Variants in PRKCA observed in about 807,000 individuals in gnomAD.
PRKCA encodes the protein protein kinase C alpha.
A neutral mutation model predicts 87.0 loss-of-function variants in PRKCA; 27 were observed. The ratio of observed to expected loss-of-function variants is 0.31; its 90% CI spans 0.23 to 0.43. The LOEUF (loss-of-function observed/expected upper bound fraction) is 0.43, where lower values mean the gene tolerates loss of function less well. Ranked by LOEUF, PRKCA falls within the 20% of genes least tolerant of loss-of-function variation. PRKCA has a pLI of 1.00. For synonymous variants in PRKCA, 329 were observed against 311.1 expected (o/e 1.06, Z -0.61); for missense variants, 518 against 852.3 (o/e 0.61, Z 4.88).
intron 13 of PRKCA, among the ~76,000 whole-genome samples, chr17:66,754,463 C>T (rs137987258): frequency 4.7e-4 from 72 of 152,278 alleles, no homozygotes; most frequent in Non-Finnish European, 8.2e-4. Flanking sequence ...CTCACTTGAG[C>T]TTGCTGTGCC....
chr17:66,748,734 G>C (rs549251330), intron 13 of PRKCA, among the ~76,000 whole-genome samples: 3 of 152,280 alleles, frequency 2.0e-5, no homozygotes, highest in African/African-American at 7.2e-5. Flanking sequence ...AAAGTGGACA[G>C]TCACTCCCAG....
chr17:66,508,684 C>T (rs1210133877), intron 3 of PRKCA, among the ~76,000 whole-genome samples: 2 of 152,286 alleles, frequency 1.3e-5, no homozygotes, highest in Non-Finnish European at 1.5e-5. Flanking sequence ...TAATAGGTTT[C>T]CAAGTGCTAC....
chr17:66,778,960 A>G (rs1046765116), intron 14 of PRKCA, among the ~76,000 whole-genome samples: 2 of 152,010 alleles, frequency 1.3e-5, no homozygotes, highest in East Asian at 3.9e-4. Flanking sequence ...CCTCAAACAC[A>G]GTGTTTTCAT....
intron 2 of PRKCA, among the ~76,000 whole-genome samples, chr17:66,307,588 G>A (rs1319964356): frequency 6.6e-6 from 1 of 152,046 alleles, no homozygotes; most frequent in Non-Finnish European, 1.5e-5. Context: ...ATCATTTTCT[G>A]CATAAATAAA....
At chr17:66,666,828 T>TC (rs1045330057) in intron 5 of PRKCA, among the ~76,000 whole-genome samples, 148 of 151,580 alleles carry the variant, frequency 9.8e-4, no homozygotes, top group East Asian at 4.3e-3. Flanking sequence ...ACCCTTTGAA[T>TC]CCCCCCCCCA....
At chr17:66,554,403 C>T (rs917332939) in intron 3 of PRKCA, 4 of 299,780 alleles carry the variant, frequency 1.3e-5, no homozygotes, top group African/African-American at 6.8e-5. Flanking sequence ...TTTTTAGAGC[C>T]TCCATTACCA....
At chr17:66,531,243 G>C (rs1324566844) in intron 3 of PRKCA, among the ~76,000 whole-genome samples, 3 of 152,204 alleles carry the variant, frequency 2.0e-5, no homozygotes, top group African/African-American at 7.2e-5. Flanking sequence ...GGCAGGAGGA[G>C]CCGCGTTCAC....
At chr17:66,493,028 C>T (rs952921577) in intron 2 of PRKCA, among the ~76,000 whole-genome samples, 5 of 152,214 alleles carry the variant, frequency 3.3e-5, no homozygotes, top group African/African-American at 9.6e-5. Context: ...CACTTGTCAC[C>T]TTTCTGTGGA....
intron 3 of PRKCA, among the ~76,000 whole-genome samples, chr17:66,613,560 C>T (rs990658129): frequency 6.6e-5 from 10 of 152,060 alleles, no homozygotes; most frequent in Non-Finnish European, 1.5e-4. Context: ...ATGCTTTGTG[C>T]GAGGCTCTAG....
At chr17:66,755,243 C>G (rs1244451164) in intron 13 of PRKCA, among the ~76,000 whole-genome samples, 1 of 152,226 alleles carries the variant, frequency 6.6e-6, no homozygotes, top group Admixed American at 6.5e-5. Context: ...ACCCCACGCC[C>G]CCCCAGTGCA....
At chr17:66,537,283 C>T (rs908054527) in intron 3 of PRKCA, among the ~76,000 whole-genome samples, 1 of 152,028 alleles carries the variant, frequency 6.6e-6, no homozygotes, top group African/African-American at 2.4e-5. Context: ...TATTTGGGGC[C>T]ACAGATGTCA....
chr17:66,672,054 T>C (rs576420423), intron 5 of PRKCA, among the ~76,000 whole-genome samples: 1 of 152,300 alleles, frequency 6.6e-6, no homozygotes, highest in African/African-American at 2.4e-5. Flanking sequence ...TAATTAAAAC[T>C]TAGGTGAATA....
At chr17:66,338,225 G>A (rs114554913) in intron 2 of PRKCA, among the ~76,000 whole-genome samples, 35 of 152,226 alleles carry the variant, frequency 2.3e-4, no homozygotes, top group African/African-American at 8.2e-4. Flanking sequence ...TGTCTCGGCT[G>A]CAATAACCAG....
At chr17:66,586,994 C>T (rs191857753) in intron 3 of PRKCA, among the ~76,000 whole-genome samples, 15 of 152,248 alleles carry the variant, frequency 9.9e-5, no homozygotes, top group African/African-American at 2.6e-4. Context: ...GTTGCTCCTA[C>T]GATGCCATTA....
chr17:66,451,288 T>C (rs1914297560), intron 2 of PRKCA, among the ~76,000 whole-genome samples: 1 of 152,192 alleles, frequency 6.6e-6, no homozygotes, highest in South Asian at 2.1e-4. Context: ...TTCTAATGAT[T>C]GAATATAATA....
intron 2 of PRKCA, among the ~76,000 whole-genome samples, chr17:66,329,293 T>C (rs2143270554): frequency 6.6e-6 from 1 of 152,278 alleles, no homozygotes; most frequent in East Asian, 1.9e-4. Context: ...AGACCAGGTT[T>C]CGGGGAAGAC....
At chr17:66,431,246 A>G (rs547767540) in intron 2 of PRKCA, among the ~76,000 whole-genome samples, 9 of 152,318 alleles carry the variant, frequency 5.9e-5, no homozygotes, top group Admixed American at 1.3e-4. Flanking sequence ...AGATATTTCA[A>G]ACATGGACCT....
chr17:66,442,840 T>C (rs908750756), intron 2 of PRKCA, among the ~76,000 whole-genome samples: 2 of 152,216 alleles, frequency 1.3e-5, no homozygotes, highest in African/African-American at 4.8e-5. Context: ...GACACACTTT[T>C]CTCTCTTTTG....
At chr17:66,563,911 A>G (rs1422582461) in intron 3 of PRKCA, among the ~76,000 whole-genome samples, 1 of 152,102 alleles carries the variant, frequency 6.6e-6, no homozygotes, top group African/African-American at 2.4e-5. Context: ...TATATCTTGG[A>G]TTATATAAAA....
Sources: allele counts gnomAD v4.1 joint callset (sites outside exome capture counted in the v4.1 genomes callset), GRCh38; gene constraint gnomAD v4.1.1; transcripts MANE v1.5; gene names NCBI Gene and HGNC (gene_info 2026-07-23, HGNC 2026-07-21).